Variants in PCDH15 observed in about 807,000 individuals in gnomAD.
PCDH15 encodes the protein protocadherin-15.
Under a neutral mutation model 178.5 loss-of-function variants are expected in PCDH15, and 129 were observed. The observed-to-expected ratio is 0.72, with a 90% CI of 0.63 to 0.84. The LOEUF (loss-of-function observed/expected upper bound fraction) is 0.84, where lower values mean the gene tolerates loss of function less well. Ranked by LOEUF, PCDH15 falls within the 40% of genes least tolerant of loss-of-function variation. The pLI is 0.00. For synonymous variants in PCDH15, 800 were observed against 732.0 expected, an observed-to-expected ratio of 1.09 and a Z score of -1.50; for missense variants, 2,230 against 2,099.9, an observed-to-expected ratio of 1.06 and a Z score of -1.21.
At position 54,080,425 on chromosome 10, in the gene PCDH15, T is replaced by G. The variant is rs1042681207; in HGVS notation, c.1998-1001A>C. 3.3e-5 allele frequency among the ~76,000 whole-genome samples: 5 copies of G among 152,154 alleles called. No individual in the cohort carries two copies. In the South Asian group the frequency reaches 8.3e-4, roughly 25 times the overall value. On this transcript the variant is annotated intron_variant, in intron 16 of 37. Transcript: ENST00000644397. The stretch of plus-strand genomic sequence containing the variant: ...ATTTTACATCTGATATTGTACACAT[T>G]TTAATCGAGCCTAACAAGTATCCAC...
intron 8 of PCDH15, among the ~76,000 whole-genome samples, chr10:54,247,273 A>T (rs551927898): frequency 3.9e-5 from 6 of 151,946 alleles, no homozygotes; most frequent in Non-Finnish European, 8.8e-5. Flanking sequence ...ACTCATCCAC[A>T]TCAGAATTTA....
intron 2 of PCDH15, among the ~76,000 whole-genome samples, chr10:55,503,838 C>A (rs914863415): frequency 1.3e-5 from 2 of 151,450 alleles, no homozygotes; most frequent in Middle Eastern, 3.4e-3. Flanking sequence ...GTTGGAGATT[C>A]TCTGGCAACT....
chr10:54,886,687 C>T (rs1275994031), intron 3 of PCDH15, among the ~76,000 whole-genome samples: 4 of 152,124 alleles, frequency 2.6e-5, no homozygotes, highest in Admixed American at 6.5e-5. Context: ...GCTTGAACCC[C>T]GAAGGAGGAG....
chr10:55,332,696 A>T (rs1459583499), intron 2 of PCDH15, among the ~76,000 whole-genome samples: 1 of 152,134 alleles, frequency 6.6e-6, no homozygotes, highest in Non-Finnish European at 1.5e-5. Flanking sequence ...GGTTTACCCC[A>T]CAATGTTCTC....
chr10:54,277,940 C>T (rs866849865), intron 8 of PCDH15, among the ~76,000 whole-genome samples: 34 of 151,528 alleles, frequency 2.2e-4, no homozygotes, highest in African/African-American at 7.5e-4. Context: ...AAATAGCACA[C>T]ATTTGTAATT....
chr10:54,293,775 C>T (rs1198076946), intron 8 of PCDH15, among the ~76,000 whole-genome samples: 1 of 152,178 alleles, frequency 6.6e-6, no homozygotes, highest in African/African-American at 2.4e-5. Context: ...GAGATACCAT[C>T]TCACACCAGT....
intron 3 of PCDH15, among the ~76,000 whole-genome samples, chr10:54,848,330 C>T (rs374520998): frequency 1.3e-4 from 19 of 147,838 alleles, no homozygotes; most frequent in African/African-American, 4.3e-4. Flanking sequence ...TGCAGTGAGC[C>T]GAGATTGCGC....
intron 3 of PCDH15, among the ~76,000 whole-genome samples, chr10:54,510,105 G>T (rs1309091078): frequency 6.6e-6 from 1 of 152,196 alleles, no homozygotes; most frequent in East Asian, 1.9e-4. Flanking sequence ...TTGGTTGAAT[G>T]AATGTGGTTT....
chr10:55,260,594 A>G (rs1400141341), intron 1 of PCDH15, among the ~76,000 whole-genome samples: 1 of 152,190 alleles, frequency 6.6e-6, no homozygotes, highest in Non-Finnish European at 1.5e-5. Context: ...CAATCTTAAA[A>G]AAAAGAAGAT....
intron 26 of PCDH15, among the ~76,000 whole-genome samples, chr10:53,879,344 A>G (rs1185420417): frequency 6.6e-6 from 1 of 152,192 alleles, no homozygotes; most frequent in Non-Finnish European, 1.5e-5. Context: ...GCAAAGCAAA[A>G]GCACTTAAAT....
intron 3 of PCDH15, among the ~76,000 whole-genome samples, chr10:54,436,897 C>T (rs1245388719): frequency 2.0e-5 from 3 of 152,166 alleles, no homozygotes; most frequent in Non-Finnish European, 4.4e-5. Context: ...ACACCTCTGT[C>T]TCTGCTATAA....
chr10:55,177,421 T>C (rs758999909), intron 1 of PCDH15, among the ~76,000 whole-genome samples: 1 of 152,152 alleles, frequency 6.6e-6, no homozygotes, highest in Non-Finnish European at 1.5e-5. Flanking sequence ...AGGAAGAGAA[T>C]GGCCCTGGGA....
At chr10:54,027,053 C>G (rs1343323769) in intron 18 of PCDH15, among the ~76,000 whole-genome samples, 1 of 145,724 alleles carries the variant, frequency 6.9e-6, no homozygotes, top group Non-Finnish European at 1.5e-5. Flanking sequence ...ATTGTCTCAG[C>G]CCAAAATCTC....
intron 2 of PCDH15, among the ~76,000 whole-genome samples, chr10:55,137,582 A>C (rs922981277): frequency 6.8e-6 from 1 of 147,458 alleles, no homozygotes. Flanking sequence ...TTTCTATGTA[A>C]TATAAATAGA....
intron 2 of PCDH15, among the ~76,000 whole-genome samples, chr10:55,563,874 T>A (rs1842249397): frequency 6.6e-6 from 1 of 151,918 alleles, no homozygotes. Context: ...TATAAATTAT[T>A]CTCATACATA....
intron 2 of PCDH15, among the ~76,000 whole-genome samples, chr10:55,151,710 G>T (rs189884984): frequency 6.0e-4 from 92 of 152,112 alleles, no homozygotes; most frequent in Non-Finnish European, 1.2e-3. Flanking sequence ...AACATTTCCA[G>T]AATGTTGTAT....
At chr10:54,513,057 T>G (rs1413497053) in intron 3 of PCDH15, among the ~76,000 whole-genome samples, 17 of 152,136 alleles carry the variant, frequency 1.1e-4, no homozygotes, top group Admixed American at 1.1e-3. Context: ...TTTACCTGGT[T>G]ATCTGAATAA....
intron 2 of PCDH15, among the ~76,000 whole-genome samples, chr10:55,338,711 G>T (rs747375028): frequency 5.9e-5 from 9 of 152,110 alleles, no homozygotes; most frequent in Non-Finnish European, 1.3e-4. Context: ...GATGGCAAAT[G>T]TTGCAGTGAG....
At chr10:55,150,458 G>T (rs1014232019) in intron 2 of PCDH15, among the ~76,000 whole-genome samples, 4 of 151,960 alleles carry the variant, frequency 2.6e-5, no homozygotes, top group Non-Finnish European at 5.9e-5. Flanking sequence ...AGAAATAGGG[G>T]TTCTCCCCCG....
Sources: allele counts gnomAD v4.1 joint callset (sites outside exome capture counted in the v4.1 genomes callset), GRCh38; gene constraint gnomAD v4.1.1; transcripts MANE v1.5; gene names NCBI Gene and HGNC (gene_info 2026-07-23, HGNC 2026-07-21).